The following COL4A6 variants were observed in gnomAD, a reference collection of about 807,000 sequenced individuals.
The protein encoded by COL4A6 is collagen alpha-6(IV) chain.
COL4A6 carries 59 observed loss-of-function variants against 126.7 expected under a neutral mutation model. That is an observed-to-expected ratio of 0.47 (90% CI 0.38 to 0.58). COL4A6 has a LOEUF of 0.58. Ranked by LOEUF, COL4A6 falls within the 20% of genes least tolerant of loss-of-function variation. The probability of loss-of-function intolerance (pLI) is 0.00; values close to 1 mark genes in which losing one functional copy is unlikely to be tolerated. For missense variants in COL4A6, 1,285 were observed against 1,337.3 expected (o/e 0.96, Z 0.61); for synonymous variants, 547 against 496.6 (o/e 1.10, Z -1.35).
At chrX:108,258,260 G>C (rs1423509661) in intron 3 of COL4A6, among the ~76,000 whole-genome samples, 2 of 111,954 alleles carry the variant, frequency 1.8e-5, no homozygotes, top group Non-Finnish European at 3.8e-5. Flanking sequence ...TTTACACTTT[G>C]GCTCTGGTGG....
chrX:108,242,835 A>T (rs755727909), intron 3 of COL4A6, among the ~76,000 whole-genome samples: 13 of 111,294 alleles, frequency 1.2e-4, no homozygotes, highest in Non-Finnish European at 2.1e-4. Flanking sequence ...CACCTCATGT[A>T]TTCTGTACCA....
chrX:108,348,925 G>A (rs1444306019), intron 2 of COL4A6, among the ~76,000 whole-genome samples: 1 of 111,727 alleles, frequency 9.0e-6, no homozygotes, highest in South Asian at 3.8e-4. Context: ...CCATGAGGAC[G>A]GATGCAGTGG....
intron 3 of COL4A6, among the ~76,000 whole-genome samples, chrX:108,254,156 G>C (rs2036931519): frequency 9.0e-6 from 1 of 110,795 alleles, no homozygotes; most frequent in East Asian, 2.9e-4. Context: ...AGGTATAAGA[G>C]GTATAGGAGG....
At position 108,372,811 on chromosome X, in the gene COL4A6, T is replaced by C. The variant is rs1474398331; in HGVS notation, c.64-61983A>G. Among the ~76,000 whole-genome samples the C allele has an allele frequency of 1.1e-4, 12 of 112,343 alleles. No homozygotes were observed. The Admixed American group carries it at 1.1e-3, about 11-fold the overall frequency. On this transcript the variant is annotated intron_variant, in intron 2 of 44. Transcript: ENST00000334504. ...TAAGCCACATGTGCTTTGCTCAGATTAATTCATTTTGTCTTCAAATCAACC... is the reference window on the plus strand; with the variant it reads ...TAAGCCACATGTGCTTTGCTCAGATCAATTCATTTTGTCTTCAAATCAACC...
At chrX:108,255,658 C>T (rs1412979629) in intron 3 of COL4A6, among the ~76,000 whole-genome samples, 1 of 110,253 alleles carries the variant, frequency 9.1e-6, no homozygotes, top group Admixed American at 9.8e-5. Context: ...ACCCTGTTAA[C>T]AAACTCTGAC....
intron 23 of COL4A6, among the ~76,000 whole-genome samples, chrX:108,182,302 A>T (rs2034710929): frequency 8.9e-6 from 1 of 112,346 alleles, no homozygotes; most frequent in Non-Finnish European, 1.9e-5. Context: ...AATAGTTCTT[A>T]TTATCTTGAA....
At chrX:108,310,134 T>G (rs762829664) in intron 3 of COL4A6, among the ~76,000 whole-genome samples, 1 of 112,077 alleles carries the variant, frequency 8.9e-6, no homozygotes, top group African/African-American at 3.2e-5. Context: ...AGAAATGTTG[T>G]GTCAATGACT....
intron 2 of COL4A6, among the ~76,000 whole-genome samples, chrX:108,395,115 A>G (rs771829733): frequency 1.0e-3 from 116 of 111,601 alleles, no homozygotes; most frequent in African/African-American, 3.3e-3. Flanking sequence ...TGTCATCACC[A>G]TTCCACTCCA....
chrX:108,187,693 GAAAAGCA>G (rs758699920), intron 22 of COL4A6, among the ~76,000 whole-genome samples, 148 bp downstream of exon 22: 2 of 112,061 alleles, frequency 1.8e-5, no homozygotes, highest in East Asian at 2.8e-4. Flanking sequence ...TTACATAAAG[GAAAAGCA>G]AAAAGCAAAA....
At chrX:108,295,836 C>A (rs2038308368) in intron 3 of COL4A6, among the ~76,000 whole-genome samples, 1 of 111,820 alleles carries the variant, frequency 8.9e-6, no homozygotes, top group Non-Finnish European at 1.9e-5. Context: ...AAGGGAGAGA[C>A]TAGCCACCAT....
chrX:108,417,452 A>T (rs1017574509), intron 2 of COL4A6, among the ~76,000 whole-genome samples: 5 of 111,990 alleles, frequency 4.5e-5, no homozygotes, highest in African/African-American at 6.5e-5. Context: ...GGCCTAAACT[A>T]TGTTCTTGTT....
intron 2 of COL4A6, among the ~76,000 whole-genome samples, chrX:108,357,677 CCT>C (rs1269022256): frequency 9.0e-6 from 1 of 111,405 alleles, no homozygotes; most frequent in Non-Finnish European, 1.9e-5. Flanking sequence ...TACACATTCC[CCT>C]CTTTCACCCC....
At chrX:108,381,767 A>G (rs775422287) in intron 2 of COL4A6, among the ~76,000 whole-genome samples, 1 of 112,052 alleles carries the variant, frequency 8.9e-6, no homozygotes, top group Non-Finnish European at 1.9e-5. Flanking sequence ...ATTAACAACA[A>G]CAACAATAAT....
At chrX:108,436,031 C>G (rs1037222446) in intron 2 of COL4A6, among the ~76,000 whole-genome samples, 1 of 111,359 alleles carries the variant, frequency 9.0e-6, no homozygotes, top group African/African-American at 3.3e-5. Context: ...AAAAGAAAAA[C>G]AAAACAACCC....
At chrX:108,409,472 C>T (rs999237000) in intron 2 of COL4A6, among the ~76,000 whole-genome samples, 2 of 112,027 alleles carry the variant, frequency 1.8e-5, no homozygotes, top group South Asian at 7.5e-4. Flanking sequence ...TCTAAACAAT[C>T]CTGAGAGGTG....
At chrX:108,438,717 T>C (rs2064321053), upstream of COL4A6, among the ~76,000 whole-genome samples, 1 of 113,017 alleles carries the variant, frequency 8.8e-6, no homozygotes, top group Non-Finnish European at 1.9e-5. Context: ...CTTGCACACA[T>C]GCCCAAATGC....
intron 3 of COL4A6, among the ~76,000 whole-genome samples, chrX:108,283,587 TTGG>T (rs1368842749): frequency 4.9e-5 from 5 of 101,458 alleles, no homozygotes; most frequent in Admixed American, 1.1e-4. Flanking sequence ...AGTTTTTTTT[TTGG>T]GGGGGGGTTG....
chrX:108,241,993 G>GT (rs754002626), intron 3 of COL4A6, among the ~76,000 whole-genome samples: 5,283 of 85,844 alleles, frequency 0.062, 175 homozygotes, highest in Non-Finnish European at 0.08. Context: ...GATTTCACCA[G>GT]TTTTTTTTTT....
At chrX:108,219,789 T>C in intron 4 of COL4A6, 47 bp from the exon 5 acceptor site, 1 of 1,050,984 alleles carries the variant, frequency 9.5e-7, no homozygotes, top group Non-Finnish European at 1.3e-6. Context: ...ATCCAACTGA[T>C]GTTTGTTAGA....
Sources: allele counts gnomAD v4.1 joint callset (sites outside exome capture counted in the v4.1 genomes callset), GRCh38; gene constraint gnomAD v4.1.1; transcripts MANE v1.5; gene names NCBI Gene and HGNC (gene_info 2026-07-23, HGNC 2026-07-21).